COPZ2: variants seen among roughly 807,000 people sequenced by gnomAD.
COPZ2 encodes the protein coatomer subunit zeta-2.
Under a neutral mutation model 33.2 loss-of-function variants are expected in COPZ2, and 30 were observed. The observed-to-expected ratio is 0.90, with a 90% confidence interval of 0.68 to 1.23. COPZ2 has a LOEUF of 1.23. Among genes scored for constraint, COPZ2 ranks in the 50% most tolerant of loss-of-function variants. COPZ2 has a pLI of 0.00. For synonymous variants in COPZ2, 89 were observed against 102.6 expected (o/e 0.87, Z 0.80); for missense variants, 263 against 262.4 (o/e 1.00, Z -0.02).
chr17:48,026,681 A>C (rs1598254649), intron 8 of COPZ2, among the ~76,000 whole-genome samples: 1 of 152,066 alleles, frequency 6.6e-6, no homozygotes, highest in Admixed American at 6.5e-5. Context: ...GCCAGCTCCC[A>C]CCTCAGGCCC....
At chr17:48,042,519 T>C (rs1041629887), upstream of COPZ2, among the ~76,000 whole-genome samples, 1 of 152,104 alleles carries the variant, frequency 6.6e-6, no homozygotes, top group East Asian at 1.9e-4. Flanking sequence ...TGGAGTGCAG[T>C]AGCACGATCT....
chr17:48,040,058 G>A (rs927019038), upstream of COPZ2, among the ~76,000 whole-genome samples: 1 of 151,864 alleles, frequency 6.6e-6, no homozygotes, highest in African/African-American at 2.4e-5. Context: ...GGAGGTGGAG[G>A]TTGCAGTGAC....
the COPZ2 span, among the ~76,000 whole-genome samples, chr17:48,044,439 G>C: frequency 7.6e-6 from 1 of 132,228 alleles, no homozygotes; most frequent in African/African-American, 2.8e-5. Context: ...CCCCAATGTG[G>C]ATTCTTGCTC....
chr17:48,029,303 C>T, intron 6 of COPZ2, 127 bp from the exon 7 acceptor site: 1 of 826,650 alleles, frequency 1.2e-6, no homozygotes, highest in East Asian at 2.7e-5. Flanking sequence ...CAGGTCCCTT[C>T]CCACTGATAG....
intron 8 of COPZ2, among the ~76,000 whole-genome samples, chr17:48,026,762 T>A (rs1440187077): frequency 6.6e-6 from 1 of 152,254 alleles, no homozygotes; most frequent in African/African-American, 2.4e-5. Context: ...CCCGCTGTCA[T>A]GCCATGAGAG....
At chr17:48,033,790 GA>G in intron 3 of COPZ2, 72 bp downstream of exon 3, 9 of 1,199,916 alleles carry the variant, frequency 7.5e-6, no homozygotes, top group Non-Finnish European at 1.1e-5. Flanking sequence ...GGCTGATGGG[GA>G]CAGATGTGTC....
chr17:48,039,347 C>G (rs2037037805), upstream of COPZ2, among the ~76,000 whole-genome samples: 1 of 151,698 alleles, frequency 6.6e-6, no homozygotes, highest in Admixed American at 6.6e-5. Flanking sequence ...GTGGTGTGAC[C>G]TGTAGTCCCA....
the COPZ2 span, among the ~76,000 whole-genome samples, chr17:48,043,998 T>C: frequency 3.9e-5 from 6 of 152,216 alleles, no homozygotes; most frequent in African/African-American, 1.2e-4. Context: ...CAATGAGGCA[T>C]TTTCATTGTA....
At chr17:48,042,554 C>G (rs753900439), upstream of COPZ2, among the ~76,000 whole-genome samples, 1 of 152,130 alleles carries the variant, frequency 6.6e-6, no homozygotes, top group East Asian at 1.9e-4. Context: ...CTCTGCCTCC[C>G]GGGTTCAAGC....
intron 6 of COPZ2, among the ~76,000 whole-genome samples, chr17:48,030,698 G>C (rs921735054): frequency 2.0e-5 from 3 of 152,344 alleles, no homozygotes; most frequent in African/African-American, 4.8e-5. Flanking sequence ...GTTGCCTCCC[G>C]ACTGGCGCTT....
chr17:48,028,627 C>G lies in COPZ2; in HGVS notation c.547-117G>C. 3 of 877,494 alleles carry G rather than the reference C, an allele frequency of 3.4e-6. No homozygotes were observed. The highest frequency in any genetic ancestry group is 5.3e-6 in the Non-Finnish European group (3 of 566,014). The allele number at this position is 877,494 out of a possible 1,614,324, so 54.4% of individuals were successfully genotyped here. A position where few individuals can be genotyped will look rare whatever the true frequency, so the allele number is the denominator to read the frequency against. On this transcript the variant is annotated intron_variant, in intron 7 of 8. Transcript: ENST00000621465. The surrounding 1 kb of genome is among the most constrained non-coding windows in gnomAD (Gnocchi z 4.5). ...AGGTGGTGCAGTGGTTAGGGTGATTCAGAGCTGCACCTGTGTCACTGGTTA... is the reference window on the plus strand; with the variant it reads ...AGGTGGTGCAGTGGTTAGGGTGATTGAGAGCTGCACCTGTGTCACTGGTTA...
rs370374585 is a variant in COPZ2, at chr17:48,028,558, C to T, written c.547-48G>A. 510 of 1,585,030 alleles carry T rather than the reference C, an allele frequency of 3.2e-4. 5 individuals are homozygous for T. The South Asian group carries it at 5.6e-3, about 17-fold the overall frequency. ...GGTGGGGTAGGGCCAGCATGAGGGT[C>T]CTGGGTCAGGGAGGTGAAGGAAAGG... On this transcript the variant is annotated intron_variant, in intron 7 of 8. Coordinates refer to ENST00000621465, the MANE Select transcript of COPZ2 (RefSeq NM_016429.4). The surrounding 1 kb of genome is among the most constrained non-coding windows in gnomAD (Gnocchi z 4.5).
chr17:48,035,699 C>CAAT (rs1386453838), intron 2 of COPZ2, among the ~76,000 whole-genome samples: 1 of 152,086 alleles, frequency 6.6e-6, no homozygotes, highest in East Asian at 1.9e-4. Flanking sequence ...ACTGGGATTA[C>CAAT]AGGCATCAGC....
intron 2 of COPZ2, among the ~76,000 whole-genome samples, chr17:48,034,924 T>G (rs2036956031): frequency 1.3e-5 from 2 of 152,022 alleles, no homozygotes; most frequent in African/African-American, 4.8e-5. Context: ...AGGCGGAGGT[T>G]GCAGTGAGCT....
chr17:48,035,131 A>C (rs942242905), intron 2 of COPZ2, among the ~76,000 whole-genome samples: 8 of 152,204 alleles, frequency 5.3e-5, no homozygotes, highest in Admixed American at 1.3e-4. Context: ...CATATCCCAT[A>C]ACTAAATTAA....
the COPZ2 span, among the ~76,000 whole-genome samples, chr17:48,043,039 G>A: frequency 6.6e-6 from 1 of 152,226 alleles, no homozygotes; most frequent in African/African-American, 2.4e-5. Context: ...GTTTAAGGCT[G>A]GCAGCACATG....
intron 6 of COPZ2, 62 bp from the exon 7 acceptor site, chr17:48,029,238 T>C (rs1450600277): frequency 6.8e-7 from 1 of 1,470,848 alleles, no homozygotes; most frequent in Admixed American, 2.0e-5. Flanking sequence ...CTCCGCCCCT[T>C]CTCCTTGCCA....
In COPZ2 at chr17:48,032,179, C is replaced by T. The variant is rs1405423861; in HGVS notation, c.471G>A (p.Val157=). Residue 157 remains valine, a synonymous_variant, in exon 6 of 9, where the codon GTG becomes GTA. Coordinates refer to ENST00000621465, the MANE Select transcript of COPZ2 (RefSeq NM_016429.4). ...ACCCGCCATCCACAATCTCGTCCAG[C>T]ACCAAGAAGGCTCCGTCCATGTTCT... ...LLENMDGAFL[V]LDEIVDGGVI... is the part of the protein sequence containing the mutation. 2 of 1,613,574 alleles carry T rather than the reference C, an allele frequency of 1.2e-6. No individual in the cohort carries two copies. The highest frequency in any genetic ancestry group is 2.2e-5 in the South Asian group (2 of 90,872).
the COPZ2 span, among the ~76,000 whole-genome samples, chr17:48,044,144 TGAGACCA>T: frequency 2.6e-5 from 4 of 152,124 alleles, no homozygotes; most frequent in Non-Finnish European, 5.9e-5. Context: ...GTCAGGAGTT[TGAGACCA>T]GCCTGGCCAA....
Sources: gnomAD v4.1 joint callset for allele counts (sites outside exome capture counted in the v4.1 genomes callset) on GRCh38, gnomAD v4.1.1 for gene constraint, Gnocchi (gnomAD v3.1) non-coding constraint, MANE v1.5 for transcripts, NCBI Gene and HGNC (gene_info 2026-07-23, HGNC 2026-07-21) for gene names.